The following TRERF1 variants were observed in gnomAD, a reference collection of about 807,000 sequenced individuals.
TRERF1 encodes the protein transcriptional-regulating factor 1.
TRERF1 carries 27 observed loss-of-function variants against 122.9 expected under a neutral mutation model. The ratio of observed to expected loss-of-function variants is 0.22; its 90% confidence interval spans 0.16 to 0.30. The LOEUF (loss-of-function observed/expected upper bound fraction) is 0.30. Ranked by LOEUF, TRERF1 falls within the 10% of genes least tolerant of loss-of-function variation. TRERF1 has a pLI of 1.00. For synonymous variants in TRERF1, 636 were observed against 641.7 expected (o/e 0.99, Z 0.13); for missense variants, 1,248 against 1,560.3 (o/e 0.80, Z 3.37).
chr6:42,281,271 G>A (rs781354941), intron 4 of TRERF1, among the ~76,000 whole-genome samples: 5 of 152,090 alleles, frequency 3.3e-5, no homozygotes, highest in East Asian at 3.9e-4. Flanking sequence ...ATGCGGCCCC[G>A]GAGCCTGGGC....
At chr6:42,254,830 A>G (rs547607408) in intron 13 of TRERF1, 21 bp downstream of exon 13, 1 of 1,612,806 alleles carries the variant, frequency 6.2e-7, no homozygotes, top group African/African-American at 1.3e-5. Flanking sequence ...GCAACAGGAC[A>G]CAGGGCTCCT....
At chr6:42,291,911 A>G (rs769932987) in intron 4 of TRERF1, among the ~76,000 whole-genome samples, 1 of 152,104 alleles carries the variant, frequency 6.6e-6, no homozygotes, top group African/African-American at 2.4e-5. Context: ...TTAGATGACA[A>G]ATATTTTCCT....
intron 6 of TRERF1, 137 bp from the exon 7 acceptor site, chr6:42,264,991 T>C: frequency 4.3e-6 from 4 of 935,784 alleles, no homozygotes; most frequent in Non-Finnish European, 6.4e-6. Flanking sequence ...ACCACTTGTA[T>C]CACCCCAGTG....
Position 42,276,727 on chromosome 6 carries a change from G to GT in TRERF1, c.-258-6880dup, listed in dbSNP as rs1282508253. Reference sequence around the variant, plus strand: ...TAGCATCTAAATCTTCCTCCCTGCAGTGAGTGGTTTGCTCTTACTCCTTCA... The same window carrying GT: ...TAGCATCTAAATCTTCCTCCCTGCAGTTGAGTGGTTTGCTCTTACTCCTTCA... On this transcript the variant is annotated intron_variant, in intron 4 of 17. Transcript: ENST00000372922. This position sits in a 1 kb window ranked among gnomAD's most constrained non-coding sequence, Gnocchi z 4.3. Among the ~76,000 whole-genome samples, 7 of 152,350 alleles carry GT rather than the reference G, an allele frequency of 4.6e-5. No individual in the cohort carries two copies. In the South Asian group the frequency reaches 1.4e-3, roughly 32 times the overall value.
intron 2 of TRERF1, among the ~76,000 whole-genome samples, chr6:42,447,775 G>A (rs1338957961): frequency 6.6e-6 from 1 of 152,094 alleles, no homozygotes; most frequent in Non-Finnish European, 1.5e-5. Context: ...CATGATCTCG[G>A]CTCACTGCAA....
chr6:42,322,381 G>A (rs899119308), intron 3 of TRERF1, among the ~76,000 whole-genome samples: 2 of 152,074 alleles, frequency 1.3e-5, no homozygotes, highest in African/African-American at 4.8e-5. Context: ...TGAGTTAAAA[G>A]TGCCTCCAAG....
chr6:42,403,059 A>G (rs1779641713), intron 2 of TRERF1, among the ~76,000 whole-genome samples: 1 of 152,122 alleles, frequency 6.6e-6, no homozygotes, highest in African/African-American at 2.4e-5. Context: ...TAAAGAAAGT[A>G]TTGGGGTGCA....
chr6:42,229,163 G>A (rs1035602406), intron 17 of TRERF1, among the ~76,000 whole-genome samples: 2 of 152,040 alleles, frequency 1.3e-5, no homozygotes, highest in African/African-American at 4.8e-5. Flanking sequence ...ATAGAGACAG[G>A]GTGTCTCTCT....
intron 4 of TRERF1, among the ~76,000 whole-genome samples, chr6:42,270,623 C>T (rs760708124): frequency 3.9e-5 from 6 of 151,978 alleles, no homozygotes; most frequent in African/African-American, 1.5e-4. Context: ...AAGGGGAAAA[C>T]GATGCATGTA....
chr6:42,370,881 C>T (rs1248628438), intron 2 of TRERF1, among the ~76,000 whole-genome samples: 6 of 152,218 alleles, frequency 3.9e-5, no homozygotes, highest in Non-Finnish European at 8.8e-5. Flanking sequence ...CCACTATCCT[C>T]TCCTGAGTGT....
At chr6:42,340,392 G>A (rs1416158114) in intron 3 of TRERF1, among the ~76,000 whole-genome samples, 1 of 152,138 alleles carries the variant, frequency 6.6e-6, no homozygotes, top group Non-Finnish European at 1.5e-5. Flanking sequence ...GTTCTTTCTG[G>A]TGGCAATGTG....
intron 3 of TRERF1, among the ~76,000 whole-genome samples, chr6:42,317,201 A>C (rs938382258): frequency 1.3e-5 from 2 of 152,124 alleles, no homozygotes; most frequent in Non-Finnish European, 2.9e-5. Context: ...TAATAACTCC[A>C]GTCTTTCTGC....
chr6:42,328,101 G>C (rs1480411433), intron 3 of TRERF1, among the ~76,000 whole-genome samples: 1 of 150,012 alleles, frequency 6.7e-6, no homozygotes, highest in African/African-American at 2.5e-5. Flanking sequence ...CGCCTCCCGG[G>C]TTCAGGCGAT....
intron 4 of TRERF1, among the ~76,000 whole-genome samples, chr6:42,279,504 C>T (rs1781905473): frequency 1.3e-5 from 2 of 152,180 alleles, no homozygotes; most frequent in South Asian, 4.1e-4. Context: ...ATCTGACCCC[C>T]TTGGCCCCAC....
At chr6:42,339,379 T>C (rs75594125) in intron 3 of TRERF1, among the ~76,000 whole-genome samples, 3,724 of 152,254 alleles carry the variant, frequency 0.024, 160 homozygotes, top group African/African-American at 0.086. Context: ...CATCTTTTCC[T>C]ATTCATCTCC....
intron 4 of TRERF1, among the ~76,000 whole-genome samples, chr6:42,270,597 C>T (rs115745947): frequency 2.3e-3 from 356 of 151,988 alleles, no homozygotes; most frequent in African/African-American, 8.2e-3. Context: ...GGTGATGAGT[C>T]GCATAAATAA....
At chr6:42,368,926 A>G (rs901158196) in intron 2 of TRERF1, among the ~76,000 whole-genome samples, 1 of 152,174 alleles carries the variant, frequency 6.6e-6, no homozygotes, top group African/African-American at 2.4e-5. Flanking sequence ...AATACAGAGA[A>G]TAGTAACATT....
intron 2 of TRERF1, among the ~76,000 whole-genome samples, chr6:42,364,807 T>A (rs1168888142): frequency 6.6e-6 from 1 of 152,052 alleles, no homozygotes; most frequent in African/African-American, 2.4e-5. Flanking sequence ...CACACATCCA[T>A]CTGTAAGGGG....
chr6:42,350,613 C>T (rs1421079934), intron 3 of TRERF1, among the ~76,000 whole-genome samples: 3 of 152,090 alleles, frequency 2.0e-5, no homozygotes, highest in African/African-American at 7.2e-5. Context: ...TTCTTGATGA[C>T]GAGTTTAAAC....
Sources: allele counts gnomAD v4.1 joint callset (sites outside exome capture counted in the v4.1 genomes callset), GRCh38; gene constraint gnomAD v4.1.1; non-coding constraint Gnocchi (gnomAD v3.1); transcripts MANE v1.5; gene names NCBI Gene and HGNC (gene_info 2026-07-23, HGNC 2026-07-21).